Variants in NRG1 observed in about 807,000 individuals in gnomAD.
NRG1 encodes pro-neuregulin-1, membrane-bound isoform.
Under a neutral mutation model 63.8 loss-of-function variants are expected in NRG1, and 18 were observed. That is an observed-to-expected ratio of 0.28 (90% confidence interval 0.19 to 0.42). The LOEUF (loss-of-function observed/expected upper bound fraction) is 0.42, where lower values mean the gene tolerates loss of function less well. NRG1 is among the 10% of genes least tolerant of loss of function. The pLI is 1.00. For missense variants in NRG1, 762 were observed against 814.7 expected (o/e 0.94, Z 0.79); for synonymous variants, 302 against 301.3 (o/e 1.00, Z -0.02).
chr8:32,397,562 T>C (rs1268324022), intron 1 of NRG1, among the ~76,000 whole-genome samples: 1 of 151,830 alleles, frequency 6.6e-6, no homozygotes, highest in Non-Finnish European at 1.5e-5. Flanking sequence ...ATGTAGTCAG[T>C]ACCAGTAAAT....
At chr8:32,392,722 G>A (rs67950512) in intron 1 of NRG1, among the ~76,000 whole-genome samples, 40,871 of 152,086 alleles carry the variant, frequency 0.27, 5,771 homozygotes, top group Middle Eastern at 0.33. Flanking sequence ...CTTCAGTGTT[G>A]TTTAGTTACA....
At position 32,756,394 on chromosome 8, in the gene NRG1, T is replaced by C. The variant is rs1260827327; in HGVS notation, c.795-9T>C. 1.2e-6 allele frequency: 2 copies of C among 1,601,512 alleles called. No homozygotes were observed. Among genetic ancestry groups the C allele is most frequent in the Non-Finnish European group, 1.7e-6 (2 of 1,176,474 alleles). On this transcript the variant is annotated splice_polypyrimidine_tract_variant and intron_variant, in intron 8 of 11. Transcript: ENST00000356819. The stretch of plus-strand genomic sequence containing the variant: ...AAAAAAAAATAAATGCTCCCTTTCT[T>C]ATGTCCAGGAAACAGCGGAAAAAGC...
chr8:31,697,176 G>C (rs938651804), intron 1 of NRG1, among the ~76,000 whole-genome samples: 8 of 152,136 alleles, frequency 5.3e-5, no homozygotes, highest in African/African-American at 1.9e-4. Flanking sequence ...AATAGAAGGT[G>C]TATATATCAC....
intron 1 of NRG1, among the ~76,000 whole-genome samples, chr8:32,342,159 A>G (rs2129478387): frequency 6.6e-6 from 1 of 152,288 alleles, no homozygotes; most frequent in Non-Finnish European, 1.5e-5. Flanking sequence ...TTACAAGTTA[A>G]CTATCCAGAA....
At chr8:31,655,982 C>T (rs953410508) in intron 1 of NRG1, among the ~76,000 whole-genome samples, 5 of 152,230 alleles carry the variant, frequency 3.3e-5, no homozygotes, top group Admixed American at 3.3e-4. Flanking sequence ...AGTGTATTGT[C>T]GACATATCCA....
At chr8:32,222,110 A>T (rs1845885724) in intron 1 of NRG1, among the ~76,000 whole-genome samples, 2 of 152,030 alleles carry the variant, frequency 1.3e-5, no homozygotes, top group Admixed American at 6.6e-5. Context: ...GATATGTGTA[A>T]ATGTATACAT....
At chr8:31,903,027 T>C (rs1198338700) in intron 1 of NRG1, among the ~76,000 whole-genome samples, 1 of 152,048 alleles carries the variant, frequency 6.6e-6, no homozygotes, top group Non-Finnish European at 1.5e-5. Context: ...AACTACCCCA[T>C]GTAGAGAAAT....
At chr8:32,464,557 G>A (rs1000227638) in intron 1 of NRG1, among the ~76,000 whole-genome samples, 1 of 152,110 alleles carries the variant, frequency 6.6e-6, no homozygotes. Flanking sequence ...GTGAGAGCTT[G>A]TTTCATTTTT....
chr8:32,636,935 A>G (rs1194069840), intron 5 of NRG1, among the ~76,000 whole-genome samples: 1 of 152,180 alleles, frequency 6.6e-6, no homozygotes, highest in African/African-American at 2.4e-5. Context: ...AAGGAAAAAA[A>G]TAAGCAAGTG....
chr8:32,738,425 TAC>T lies in NRG1; in HGVS notation c.633-4230_633-4229del, dbSNP rs35398326. 7.8e-3 allele frequency among the ~76,000 whole-genome samples: 1,162 copies of T among 149,736 alleles called. 12 individuals carry two copies. Among genetic ancestry groups the T allele is most frequent in the African/African-American group, 0.027 (1,097 of 40,896 alleles). On this transcript the variant is annotated intron_variant, in intron 6 of 11. Transcript: ENST00000356819. Reference sequence around the variant, plus strand: ...ATTAATGAAACGAATGGTATATACATACACACACACACACACACACATATGTA... The same window carrying T: ...ATTAATGAAACGAATGGTATATACATACACACACACACACACACATATGTA...
intron 1 of NRG1, among the ~76,000 whole-genome samples, chr8:32,095,511 A>G (rs1032682843): frequency 9.9e-5 from 15 of 152,264 alleles, no homozygotes; most frequent in Non-Finnish European, 1.9e-4. Flanking sequence ...GTAAAGTCAG[A>G]AAACATGACA....
chr8:32,763,942 A>T, exon 12 of NRG1: 1 of 1,613,960 alleles, frequency 6.2e-7, no homozygotes, highest in Non-Finnish European at 8.5e-7. Context: ...AGGCTGCGGG[A>T]GAAGAAGTTT....
rs192753677 is a variant in NRG1, at chr8:32,643,919, G to A, written c.502+27034G>A. On this transcript the variant is annotated intron_variant, in intron 5 of 11. Coordinates refer to ENST00000356819, the Ensembl canonical transcript of NRG1. Reference sequence around the variant, plus strand: ...GTTCTCATAGTCTCTCCTTGAAGTGGTATGTAATCAATAATATAATCAAAT... The same window carrying A: ...GTTCTCATAGTCTCTCCTTGAAGTGATATGTAATCAATAATATAATCAAAT... Among the ~76,000 whole-genome samples the A allele has an allele frequency of 7.7e-3, 1,176 of 152,180 alleles. 6 individuals are homozygous for A. Among genetic ancestry groups the A allele is most frequent in the Middle Eastern group, 0.024 (7 of 294 alleles).
intron 5 of NRG1, among the ~76,000 whole-genome samples, chr8:32,721,369 G>A (rs899460885): frequency 2.6e-5 from 4 of 152,054 alleles, no homozygotes; most frequent in Admixed American, 6.6e-5. Flanking sequence ...CTTGTTCTTT[G>A]GACAAAGTGT....
intron 5 of NRG1, among the ~76,000 whole-genome samples, chr8:32,725,464 A>ATTTTTTTTTTTTTTTTTTTT (rs71209904): frequency 7.4e-5 from 5 of 67,580 alleles, no homozygotes; most frequent in Admixed American, 2.4e-4. Flanking sequence ...AAACTTCCTA[A>ATTTTTTTTTTTTTTTTTTTT]TTTTTTTTTT....
chr8:32,664,819 ATC>A (rs1219689501), intron 5 of NRG1, among the ~76,000 whole-genome samples: 2 of 152,170 alleles, frequency 1.3e-5, no homozygotes, highest in African/African-American at 4.8e-5. Flanking sequence ...AGATTAATGA[ATC>A]TCTGAGTGAC....
At chr8:32,197,451 G>T (rs1041607386) in intron 1 of NRG1, among the ~76,000 whole-genome samples, 2 of 152,160 alleles carry the variant, frequency 1.3e-5, no homozygotes, top group Non-Finnish European at 2.9e-5. Context: ...CATCATTGCT[G>T]CCTACACACC....
chr8:32,182,745 A>G (rs1841565275), intron 1 of NRG1, among the ~76,000 whole-genome samples: 1 of 152,186 alleles, frequency 6.6e-6, no homozygotes, highest in African/African-American at 2.4e-5. Context: ...AAATCTTTAC[A>G]AAACAGTGTT....
intron 5 of NRG1, among the ~76,000 whole-genome samples, chr8:32,716,108 A>T (rs767319912): frequency 2.0e-5 from 3 of 152,156 alleles, no homozygotes; most frequent in African/African-American, 7.2e-5. Context: ...GCTCCTGCAT[A>T]TGTCTCTCCA....
Sources: allele counts gnomAD v4.1 joint callset (sites outside exome capture counted in the v4.1 genomes callset), GRCh38; gene constraint gnomAD v4.1.1; transcripts MANE v1.5; gene names NCBI Gene and HGNC (gene_info 2026-07-23, HGNC 2026-07-21).